The following EYA2 variants were observed in gnomAD, a reference collection of about 807,000 sequenced individuals.
EYA2 encodes the protein protein phosphatase EYA2.
A neutral mutation model predicts 69.2 loss-of-function variants in EYA2; 31 were observed. That is an observed-to-expected ratio of 0.45 (90% CI 0.34 to 0.60). The LOEUF is 0.60. Ranked by LOEUF, EYA2 falls within the 20% of genes least tolerant of loss-of-function variation. EYA2 has a pLI of 0.02. For synonymous variants in EYA2, 257 were observed against 279.4 expected (o/e 0.92, Z 0.80); for missense variants, 622 against 701.2 (o/e 0.89, Z 1.28).
At chr20:47,075,734 C>T (rs1233262585) in intron 7 of EYA2, among the ~76,000 whole-genome samples, 1 of 152,014 alleles carries the variant, frequency 6.6e-6, no homozygotes, top group Non-Finnish European at 1.5e-5. Context: ...TTGGGGTACA[C>T]ATGCAGGTTT....
In EYA2 at chr20:47,184,624, T is replaced by C. The variant is rs980242493; in HGVS notation, c.1536+1233T>C. Among the ~76,000 whole-genome samples, 7 of 151,706 alleles carry C rather than the reference T, an allele frequency of 4.6e-5. No homozygotes were observed. In the East Asian group the frequency reaches 1.2e-3, roughly 25 times the overall value. ...TTTTTATAGAGATGGGGTTTTGCCA[T>C]GTTGCCTGGGCTGGCCTCAAACTCG... On this transcript the variant is annotated intron_variant, in intron 15 of 15. Coordinates refer to ENST00000327619, the MANE Select transcript of EYA2 (RefSeq NM_005244.5).
intron 9 of EYA2, among the ~76,000 whole-genome samples, chr20:47,101,873 C>G (rs115820950): frequency 0.01 from 1,563 of 152,234 alleles, 24 homozygotes; most frequent in African/African-American, 0.036. Flanking sequence ...ATGACAGAAC[C>G]AAAACTCATG....
chr20:47,068,633 T>G (rs895230172), intron 5 of EYA2, among the ~76,000 whole-genome samples: 11 of 152,204 alleles, frequency 7.2e-5, no homozygotes, highest in African/African-American at 2.7e-4. Flanking sequence ...TTCTGTTTTG[T>G]TTTTTGTTTC....
chr20:47,172,742 C>T lies in EYA2; in HGVS notation c.1073C>T (p.Ser358Leu), dbSNP rs760695262. 4.0e-5 allele frequency: 65 copies of T among 1,613,730 alleles called. 1 individual carries two copies. Among genetic ancestry groups the T allele is most frequent in the African/African-American group, 2.3e-4 (17 of 74,930 alleles). Reference sequence around the variant, plus strand: ...TTCTCCGCTGACGGCTTCCACAGTTCGGCCCCAGGAGCCAACCTGTGCCTG... The same window carrying T: ...TTCTCCGCTGACGGCTTCCACAGTTTGGCCCCAGGAGCCAACCTGTGCCTG... The part of the protein sequence containing the change: ...YNFSADGFHS[S>L]APGANLCLGS... The change falls in exon 12 of 16, where the codon TCG (serine) becomes TTG (leucine). Residue 358 changes from serine to leucine, a missense_variant. This residue lies in a region of EYA2 where 257 missense variants were observed against 351.5 expected (regional missense o/e 0.73). Transcript: ENST00000327619.
intron 10 of EYA2, among the ~76,000 whole-genome samples, chr20:47,151,614 T>G (rs2033824779): frequency 6.6e-6 from 1 of 151,998 alleles, no homozygotes; most frequent in African/African-American, 2.4e-5. Flanking sequence ...CGCCAGTTCC[T>G]ATGCACCTCT....
At chr20:47,049,433 G>A (rs1022845531) in intron 5 of EYA2, among the ~76,000 whole-genome samples, 1 of 152,218 alleles carries the variant, frequency 6.6e-6, no homozygotes, top group Admixed American at 6.5e-5. Flanking sequence ...GGCCTGGTGG[G>A]AGGTGTTTGG....
intron 2 of EYA2, among the ~76,000 whole-genome samples, chr20:46,990,826 T>G (rs1196506012): frequency 2.0e-5 from 3 of 152,184 alleles, no homozygotes; most frequent in African/African-American, 7.2e-5. Context: ...TTTCCTTCAT[T>G]ATCTGTTTGA....
At chr20:47,150,539 C>T (rs6018305) in intron 10 of EYA2, among the ~76,000 whole-genome samples, 2,282 of 150,780 alleles carry the variant, frequency 0.015, 62 homozygotes, top group African/African-American at 0.051. Flanking sequence ...ATGGTCATGG[C>T]TCACTGCAGC....
At chr20:46,954,628 A>G (rs1196951600) in intron 1 of EYA2, among the ~76,000 whole-genome samples, 2 of 152,226 alleles carry the variant, frequency 1.3e-5, no homozygotes, top group African/African-American at 4.8e-5. Flanking sequence ...AAACAGCAGC[A>G]ACAACATAAA....
chr20:47,062,451 T>C (rs1412592244), intron 5 of EYA2, among the ~76,000 whole-genome samples: 1 of 152,186 alleles, frequency 6.6e-6, no homozygotes, highest in Non-Finnish European at 1.5e-5. Flanking sequence ...TTTATGCAGT[T>C]ATCTCCAGTT....
At chr20:46,920,366 AT>A in intron 1 of EYA2, among the ~76,000 whole-genome samples, 1 of 152,268 alleles carries the variant, frequency 6.6e-6, no homozygotes, top group Non-Finnish European at 1.5e-5. Context: ...TACTGTTCCA[AT>A]TTAAAAAATG....
intron 1 of EYA2, among the ~76,000 whole-genome samples, chr20:46,924,917 A>T (rs6012079): frequency 0.025 from 3,866 of 152,242 alleles, 187 homozygotes; most frequent in African/African-American, 0.089. Context: ...AACAACAGAA[A>T]TTTACTCTCT....
intron 4 of EYA2, among the ~76,000 whole-genome samples, chr20:47,011,900 A>G (rs975400629): frequency 9.8e-5 from 15 of 152,318 alleles, no homozygotes; most frequent in Non-Finnish European, 1.6e-4. Flanking sequence ...ATAGCAGGGA[A>G]AAGTGTGTGC....
chr20:47,062,600 G>T lies in EYA2; in HGVS notation c.416-9585G>T, dbSNP rs146861856. ...TCTTTCGAACTGAAAATATTTTGAA[G>T]ATCCCAAATCTCACCCAGATTCTGA... On this transcript the variant is annotated intron_variant, in intron 5 of 15. Coordinates refer to ENST00000327619, the MANE Select transcript of EYA2 (RefSeq NM_005244.5). 3.6e-3 allele frequency among the ~76,000 whole-genome samples: 542 copies of T among 152,248 alleles called. 4 individuals are homozygous for T. Among genetic ancestry groups the T allele is most frequent in the Non-Finnish European group, 4.2e-3 (284 of 68,022 alleles).
At chr20:47,099,173 T>C (rs965797217) in intron 9 of EYA2, among the ~76,000 whole-genome samples, 1 of 152,210 alleles carries the variant, frequency 6.6e-6, no homozygotes, top group Non-Finnish European at 1.5e-5. Context: ...GCTGGGATAT[T>C]TACCTGCAAA....
At chr20:47,041,066 G>A (rs1318877365) in intron 5 of EYA2, among the ~76,000 whole-genome samples, 1 of 152,172 alleles carries the variant, frequency 6.6e-6, no homozygotes, top group Non-Finnish European at 1.5e-5. Context: ...CCTCCACAGG[G>A]AAGTTAGATA....
At chr20:46,910,724 C>T (rs1158879370) in intron 1 of EYA2, among the ~76,000 whole-genome samples, 2 of 152,226 alleles carry the variant, frequency 1.3e-5, no homozygotes, top group Non-Finnish European at 2.9e-5. Flanking sequence ...ATGGCAGTAA[C>T]ATCGGGTACA....
intron 7 of EYA2, among the ~76,000 whole-genome samples, chr20:47,085,956 A>G (rs2031881188): frequency 1.3e-5 from 2 of 152,166 alleles, no homozygotes; most frequent in African/African-American, 2.4e-5. Context: ...AAACTTAAGA[A>G]ATTGTGTACT....
intron 1 of EYA2, among the ~76,000 whole-genome samples, chr20:46,909,878 ATGTTATACTCTT>A (rs1027460987): frequency 6.6e-6 from 1 of 152,104 alleles, no homozygotes; most frequent in African/African-American, 2.4e-5. Context: ...TCCAGGCACG[ATGTTATACTCTT>A]TGTGTGCATG....
Sources: gnomAD v4.1 joint callset for allele counts (sites outside exome capture counted in the v4.1 genomes callset) on GRCh38, gnomAD v4.1.1 for gene constraint, gnomAD v4.1.1 regional missense constraint, MANE v1.5 for transcripts, NCBI Gene and HGNC (gene_info 2026-07-23, HGNC 2026-07-21) for gene names.